Variants in EPB41L4B observed in about 807,000 individuals in gnomAD.
EPB41L4B encodes band 4.1-like protein 4B.
In EPB41L4B, 30 loss-of-function variants were observed where a neutral mutation model predicts 112.5. The ratio of observed to expected loss-of-function variants is 0.27; its 90% CI spans 0.20 to 0.36. The LOEUF (loss-of-function observed/expected upper bound fraction) is 0.36, where lower values mean the gene tolerates loss of function less well. EPB41L4B is among the 10% of genes least tolerant of loss of function. The probability of loss-of-function intolerance (pLI) is 1.00; values close to 1 mark genes in which losing one functional copy is unlikely to be tolerated. For missense variants in EPB41L4B, 1,024 were observed against 1,133.3 expected, an observed-to-expected ratio of 0.90 and a Z score of 1.38; for synonymous variants, 408 against 439.7, an observed-to-expected ratio of 0.93 and a Z score of 0.90.
chr9:109,256,284 T>C (rs1351874770), intron 8 of EPB41L4B, 60 bp from the exon 9 acceptor site: 1 of 1,584,706 alleles, frequency 6.3e-7, no homozygotes, highest in Non-Finnish European at 8.7e-7. Context: ...CACAGCAGAA[T>C]GCAAAATGCA....
intron 1 of EPB41L4B, among the ~76,000 whole-genome samples, chr9:109,284,395 C>G (rs372163008): frequency 6.6e-6 from 1 of 152,056 alleles, no homozygotes; most frequent in African/African-American, 2.4e-5. Context: ...ATAGAGAAAC[C>G]GCGGATGGCT....
At chr9:109,211,634 G>T (rs1223168050) in intron 17 of EPB41L4B, among the ~76,000 whole-genome samples, 6 of 149,358 alleles carry the variant, frequency 4.0e-5, no homozygotes, top group Non-Finnish European at 8.9e-5. Flanking sequence ...AATATATTTT[G>T]TGTGTGTGTG....
chr9:109,253,696 AAC>A, intron 11 of EPB41L4B, 146 bp from the exon 12 acceptor site: 1 of 641,062 alleles, frequency 1.6e-6, no homozygotes, highest in South Asian at 1.9e-5. Context: ...CACAAAGTTT[AAC>A]CTTCCATTTG....
At chr9:109,176,285 G>A (rs1326587464) in intron 25 of EPB41L4B, among the ~76,000 whole-genome samples, 1 of 151,964 alleles carries the variant, frequency 6.6e-6, no homozygotes, top group Non-Finnish European at 1.5e-5. Flanking sequence ...GCACCACCAC[G>A]CCTGGCTAAT....
At chr9:109,254,503 G>A (rs1834909808) in intron 11 of EPB41L4B, among the ~76,000 whole-genome samples, 1 of 150,890 alleles carries the variant, frequency 6.6e-6, no homozygotes, top group Non-Finnish European at 1.5e-5. Flanking sequence ...CATTTAAATA[G>A]AGTTCAGGGA....
intron 1 of EPB41L4B, among the ~76,000 whole-genome samples, chr9:109,314,416 G>A (rs1443777050): frequency 5.9e-5 from 9 of 152,274 alleles, no homozygotes; most frequent in Middle Eastern, 3.4e-3. Flanking sequence ...GATTATGCAC[G>A]TGAAAGTGCT....
chr9:109,206,229 G>C lies in EPB41L4B; in HGVS notation c.1878+1695C>G, dbSNP rs1033872114. ...GACGGAGTCTCGCTGTGTTGCCCAG[G>C]CTACAGTGCAGTGGAGCAATCTCTG... On this transcript the variant is annotated intron_variant, in intron 18 of 25. Coordinates refer to ENST00000374566, the MANE Select transcript of EPB41L4B (RefSeq NM_019114.5). 2.0e-5 allele frequency among the ~76,000 whole-genome samples: 3 copies of C among 151,990 alleles called. No homozygotes were observed. The East Asian group carries it at 5.8e-4, about 29-fold the overall frequency.
chr9:109,205,463 A>G (rs186845161), intron 18 of EPB41L4B, among the ~76,000 whole-genome samples: 1 of 152,362 alleles, frequency 6.6e-6, no homozygotes, highest in African/African-American at 2.4e-5. Context: ...TCTAATGTAG[A>G]TAATTACAGC....
intron 16 of EPB41L4B, among the ~76,000 whole-genome samples, chr9:109,216,693 T>C (rs1039077868): frequency 2.6e-5 from 4 of 151,362 alleles, no homozygotes; most frequent in African/African-American, 4.9e-5. Context: ...GGTGGAGAAC[T>C]GTGACCCTAT....
chr9:109,185,664 A>C, intron 22 of EPB41L4B, 59 bp from the exon 23 acceptor site: 1 of 1,334,064 alleles, frequency 7.5e-7, no homozygotes, highest in East Asian at 2.3e-5. Flanking sequence ...GGGAGGAGGA[A>C]GAGGAGGTAG....
chr9:109,206,099 A>G (rs1219416428), intron 18 of EPB41L4B, among the ~76,000 whole-genome samples: 2 of 152,236 alleles, frequency 1.3e-5, no homozygotes, highest in Non-Finnish European at 2.9e-5. Context: ...ACCCTTGGCA[A>G]CATAAGCATA....
At chr9:109,221,353 A>G (rs1193625104) in intron 15 of EPB41L4B, among the ~76,000 whole-genome samples, 3 of 152,328 alleles carry the variant, frequency 2.0e-5, no homozygotes, top group South Asian at 4.1e-4. Flanking sequence ...TCTTGCAAAT[A>G]TGTTGAAAAT....
At position 109,247,790 on chromosome 9, in the gene EPB41L4B, C is replaced by T; in HGVS notation, c.1311-1G>A. On this transcript the variant is annotated splice_acceptor_variant, in intron 13 of 25. Coordinates refer to ENST00000374566, the MANE Select transcript of EPB41L4B (RefSeq NM_019114.5). LOFTEE classifies it high-confidence loss of function. ...ATGGACTTCTGGATTTGTTTTAGAG[C>T]TAAACAAACAAACAAACAAAAAACA... 1 of 1,491,088 alleles carries T rather than the reference C, an allele frequency of 6.7e-7. No individual in the cohort carries two copies. Among genetic ancestry groups the T allele is most frequent in the Non-Finnish European group, 8.9e-7 (1 of 1,118,702 alleles). 92.4% of individuals were successfully genotyped at this position (1,491,088 alleles called of 1,614,324 possible).
chr9:109,309,077 A>T (rs963184518), intron 1 of EPB41L4B, among the ~76,000 whole-genome samples: 26 of 148,378 alleles, frequency 1.8e-4, no homozygotes, highest in Admixed American at 8.1e-4. Flanking sequence ...TCCGTCTTTT[A>T]AAAAAAAAAA....
At chr9:109,267,156 A>G (rs1835436953) in intron 4 of EPB41L4B, among the ~76,000 whole-genome samples, 1 of 152,212 alleles carries the variant, frequency 6.6e-6, no homozygotes, top group Non-Finnish European at 1.5e-5. Context: ...ATGCTTTTCC[A>G]ATATCTGCCT....
chr9:109,241,960 T>TA lies in EPB41L4B; in HGVS notation c.1409+1657dup, dbSNP rs1334198716. 2.6e-5 allele frequency: 19 copies of TA among 740,622 alleles called. No individual in the cohort carries two copies. The African/African-American group carries it at 3.1e-4, about 12-fold the overall frequency. 45.9% of individuals were successfully genotyped at this position (740,622 alleles called of 1,614,324 possible). On this transcript the variant is annotated intron_variant, in intron 15 of 25. Transcript: ENST00000374566. ...TATGAATGGAAATGAATGGATTTCC[T>TA]AGTAAGAATTTTAAAAATTCAGATG...
chr9:109,281,514 C>T (rs1420508755), intron 1 of EPB41L4B, among the ~76,000 whole-genome samples: 1 of 152,052 alleles, frequency 6.6e-6, no homozygotes, highest in African/African-American at 2.4e-5. Flanking sequence ...ACCAGCCTGG[C>T]CAACATGGTG....
At chr9:109,280,149 T>C (rs1835981938) in intron 1 of EPB41L4B, among the ~76,000 whole-genome samples, 1 of 152,202 alleles carries the variant, frequency 6.6e-6, no homozygotes. Flanking sequence ...CTGTTAACTT[T>C]TGCTAGTCTC....
Position 109,247,776 on chromosome 9 carries a change from G to A in EPB41L4B, c.1324C>T (p.Pro442Ser). ...CTTACCTGGTAATTATGGACTTCTG[G>A]ATTTGTTTTAGAGCTAAACAAACAA... ...IAAQLCSKTN[P>S]EVHNYQPQYH... The change falls in exon 14 of 26, where the codon CCA becomes TCA. Residue 442 changes from proline (P) to serine (S), a missense_variant. By Grantham distance (74) the Pro-to-Ser change is moderately conservative. Coordinates refer to ENST00000374566, the MANE Select transcript of EPB41L4B (RefSeq NM_019114.5). The A allele has an allele frequency of 2.0e-6, 3 of 1,495,556 alleles. No homozygotes were observed. The highest frequency in any genetic ancestry group is 2.7e-6 in the Non-Finnish European group (3 of 1,121,434). 92.6% of individuals were successfully genotyped at this position (1,495,556 alleles called of 1,614,324 possible).
Sources: gnomAD v4.1 joint callset for allele counts (sites outside exome capture counted in the v4.1 genomes callset) on GRCh38, gnomAD v4.1.1 for gene constraint, MANE v1.5 for transcripts, NCBI Gene and HGNC (gene_info 2026-07-23, HGNC 2026-07-21) for gene names.